ALDH3B2: variants seen among roughly 807,000 people sequenced by gnomAD.
ALDH3B2 encodes aldehyde dehydrogenase 3 family member B2.
ALDH3B2 carries 45 observed loss-of-function variants against 36.7 expected under a neutral mutation model. The observed-to-expected ratio is 1.23, with a 90% CI of 0.97 to 1.57. ALDH3B2 has a LOEUF of 1.57. Ranked by LOEUF, ALDH3B2 falls within the 40% of genes most tolerant of loss-of-function variation. The pLI, the probability that ALDH3B2 is intolerant of heterozygous loss-of-function variation, is 0.00. For synonymous variants in ALDH3B2, 217 were observed against 226.5 expected (o/e 0.96, Z 0.38); for missense variants, 464 against 513.3 (o/e 0.90, Z 0.93).
At chr11:67,665,295 A>G in exon 7 of ALDH3B2, 1 of 1,607,456 alleles carries the variant, frequency 6.2e-7, no homozygotes, top group Non-Finnish European at 8.5e-7. Context: ...CGATGTAGCG[A>G]TCGCTCTCGT....
chr11:67,665,515 G>A (rs1338864260), exon 7 of ALDH3B2: 1 of 1,614,072 alleles, frequency 6.2e-7, no homozygotes, highest in Non-Finnish European at 8.5e-7. Flanking sequence ...GGTCTGGCCG[G>A]CATTGAAGTA....
upstream of ALDH3B2, among the ~76,000 whole-genome samples, chr11:67,676,081 A>C (rs1005166356): frequency 6.6e-6 from 1 of 152,142 alleles, no homozygotes; most frequent in African/African-American, 2.4e-5. Context: ...CCCTGTCTCT[A>C]CTAAAAATAC....
chr11:67,666,242 C>A, intron 5 of ALDH3B2, 39 bp from the exon 6 acceptor site: 1 of 1,600,276 alleles, frequency 6.2e-7, no homozygotes, highest in Non-Finnish European at 8.5e-7. Context: ...GGGCTCGGGG[C>A]CAGCCGGGCC....
chr11:67,662,437 G>A (rs1474520016), exon 10 of ALDH3B2: 1 of 152,290 alleles, frequency 6.6e-6, no homozygotes, highest in Non-Finnish European at 1.5e-5. Context: ...TACGCCCTGT[G>A]TCTGGTCTAC....
exon 4 of ALDH3B2, chr11:67,666,678 G>A (rs927758835): frequency 4.3e-6 from 7 of 1,614,030 alleles, no homozygotes; most frequent in African/African-American, 2.7e-5. Context: ...GATGAAGACC[G>A]AGTCCAGCTT....
intron 1 of ALDH3B2, among the ~76,000 whole-genome samples, chr11:67,670,051 TCTATGTGTATGG>T (rs1185492288): frequency 5.1e-5 from 1 of 19,748 alleles, no homozygotes; most frequent in Non-Finnish European, 2.0e-4. Context: ...TATGGGTGTC[TCTATGTGTATGG>T]GTGTGTGTGT....
chr11:67,671,786 G>C (rs1242096104), intron 1 of ALDH3B2, among the ~76,000 whole-genome samples: 3 of 150,266 alleles, frequency 2.0e-5, no homozygotes, highest in African/African-American at 7.4e-5. Context: ...CAGGTGATCC[G>C]CCCACCTTGG....
In ALDH3B2 at chr11:67,666,559, G is replaced by C. The variant is rs925597187; in HGVS notation, c.151+15C>G. Reference sequence around the variant, plus strand: ...CTGGGCGGGGAGAGCATGGGGTTCGGAACGCCCTCCTCACCTGCGGCGAGG... The same window carrying C: ...CTGGGCGGGGAGAGCATGGGGTTCGCAACGCCCTCCTCACCTGCGGCGAGG... On this transcript the variant is annotated intron_variant, in intron 4 of 9. Coordinates refer to ENST00000349015, the Ensembl canonical transcript of ALDH3B2. 12 of 1,613,636 alleles carry C rather than the reference G, an allele frequency of 7.4e-6. No homozygotes were observed. The Admixed American group carries it at 1.5e-4, about 20-fold the overall frequency.
Position 67,667,586 on chromosome 11 carries a change from A to G in ALDH3B2, c.-195T>C. The G allele has an allele frequency of 5.4e-6, 2 of 368,416 alleles. No individual in the cohort carries two copies. Among genetic ancestry groups the G allele is most frequent in the Non-Finnish European group, 9.5e-6 (2 of 211,410 alleles). 22.8% of individuals were successfully genotyped at this position (368,416 alleles called of 1,614,324 possible). A position where few individuals can be genotyped will look rare whatever the true frequency, so the allele number is the denominator to read the frequency against. Reference sequence around the variant, plus strand: ...AACTCGGCCGGCCGCGTGCGCCCTCAGTTGAAGGCCTCACGCAGCCGCCGC... The same window carrying G: ...AACTCGGCCGGCCGCGTGCGCCCTCGGTTGAAGGCCTCACGCAGCCGCCGC... On this transcript the variant is annotated 5_prime_UTR_variant, in exon 2 of 10. The change abolishes the stop of an existing upstream ORF in the 5' untranslated region. Coordinates refer to ENST00000349015, the Ensembl canonical transcript of ALDH3B2.
intron 1 of ALDH3B2, among the ~76,000 whole-genome samples, chr11:67,680,679 A>G (rs1250658151): frequency 6.6e-6 from 1 of 152,146 alleles, no homozygotes. Flanking sequence ...GGCTTCCCAA[A>G]GTTCTAGGAT....
exon 9 of ALDH3B2, chr11:67,663,668 C>T: frequency 6.2e-7 from 1 of 1,609,716 alleles, no homozygotes. Flanking sequence ...CCACCGACTC[C>T]CCCGAATGGC....
At chr11:67,674,753 G>T (rs1173386153), upstream of ALDH3B2, 1 of 152,424 alleles carries the variant, frequency 6.6e-6, no homozygotes, top group East Asian at 1.9e-4. Flanking sequence ...CCAGGGCCCT[G>T]CCCCCAGGGA....
intron 1 of ALDH3B2, 150 bp from the exon 2 acceptor site, chr11:67,667,785 G>A (rs570305616): frequency 1.5e-5 from 3 of 201,702 alleles, no homozygotes; most frequent in East Asian, 2.2e-4. Context: ...AGACCCACTC[G>A]AATGACCCCA....
At chr11:67,673,009 C>A (rs1322061889) in intron 1 of ALDH3B2, among the ~76,000 whole-genome samples, 2 of 150,818 alleles carry the variant, frequency 1.3e-5, no homozygotes, top group Non-Finnish European at 3.0e-5. Context: ...CAGCTCACTG[C>A]AAACTCCGCC....
chr11:67,667,101 C>T, intron 2 of ALDH3B2, 85 bp from the exon 3 acceptor site: 1 of 722,012 alleles, frequency 1.4e-6, no homozygotes, highest in Non-Finnish European at 2.4e-6. Flanking sequence ...CACGCAGGCA[C>T]CACCACCACT....
At chr11:67,666,734 A>G (rs1164351648) in intron 3 of ALDH3B2, 40 bp from the exon 4 acceptor site, 1 of 1,611,714 alleles carries the variant, frequency 6.2e-7, no homozygotes, top group East Asian at 2.2e-5. Flanking sequence ...GCCAAGGGCC[A>G]CCCCAAAGCC....
intron 6 of ALDH3B2, 137 bp from the exon 7 acceptor site, chr11:67,665,808 T>TCAACTGGCCTTGACCACACACTCCAGGCA (rs1855892318): frequency 7.4e-7 from 1 of 1,342,588 alleles, no homozygotes; most frequent in Non-Finnish European, 1.0e-6. Context: ...GACCCCATCC[T>TCAACTGGCCTTGACCACACACTCCAGGCA]CAACTGGCCT....
intron 1 of ALDH3B2, among the ~76,000 whole-genome samples, chr11:67,680,364 C>T (rs1856347902): frequency 6.6e-6 from 1 of 152,032 alleles, no homozygotes; most frequent in South Asian, 2.1e-4. Context: ...TCAGTTGGTG[C>T]CCTGATGGAA....
intron 1 of ALDH3B2, among the ~76,000 whole-genome samples, chr11:67,668,287 C>T (rs970715548): frequency 2.0e-5 from 3 of 152,154 alleles, no homozygotes; most frequent in African/African-American, 7.2e-5. Context: ...TATGGGTGGG[C>T]ACAGGTGCAG....
Sources: allele counts gnomAD v4.1 joint callset (sites outside exome capture counted in the v4.1 genomes callset), GRCh38; gene constraint gnomAD v4.1.1; transcripts MANE v1.5; gene names NCBI Gene and HGNC (gene_info 2026-07-23, HGNC 2026-07-21).